The following HGS variants were observed in gnomAD, a reference collection of about 807,000 sequenced individuals.
The protein encoded by HGS is hepatocyte growth factor-regulated tyrosine kinase substrate.
A neutral mutation model predicts 109.7 loss-of-function variants in HGS; 63 were observed. That is an observed-to-expected ratio of 0.57 (90% confidence interval 0.47 to 0.71). The LOEUF is 0.71. HGS is among the 30% of genes least tolerant of loss of function. The pLI, the probability that HGS is intolerant of heterozygous loss-of-function variation, is 0.00. For missense variants in HGS, 995 were observed against 1,068.3 expected, an observed-to-expected ratio of 0.93 and a Z score of 0.96; for synonymous variants, 546 against 437.3, an observed-to-expected ratio of 1.25 and a Z score of -3.10.
rs1598748505 is a variant in HGS, at chr17:81,695,276, C to T, written c.1179+53C>T. The T allele has an allele frequency of 2.6e-6, 4 of 1,562,866 alleles. No homozygotes were observed. In the East Asian group the frequency reaches 9.0e-5, roughly 35 times the overall value. On this transcript the variant is annotated intron_variant, in intron 14 of 21. Transcript: ENST00000329138. ...GGGCAAAACATGGCCTCCTGGCCCA[C>T]AGCGCCAGGCACATGGCACAGGTGC...
chr17:81,695,723 GC>G, intron 14 of HGS, 62 bp from the exon 15 acceptor site: 1 of 1,508,646 alleles, frequency 6.6e-7, no homozygotes, highest in Non-Finnish European at 9.2e-7. Context: ...TCCATCCCAG[GC>G]CCCACCAGGG....
At position 81,686,372 on chromosome 17, in the gene HGS, C is replaced by T. The variant is rs1180255950; in HGVS notation, c.183C>T (p.Ala61=). ...KKVNDKNPHV[A]LYALEVMESV... ...TCAACGACAAGAACCCACACGTCGC[C>T]TTGTATGCCCTGGAGGTAAGCAGAC... Residue 61 remains alanine, a synonymous_variant, in exon 3 of 22, where the codon GCC becomes GCT. Coordinates refer to ENST00000329138, the MANE Select transcript of HGS (RefSeq NM_004712.5). The T allele has an allele frequency of 3.7e-6, 6 of 1,613,632 alleles. No homozygotes were observed. Among genetic ancestry groups the T allele is most frequent in the Non-Finnish European group, 1.7e-6 (2 of 1,179,930 alleles).
intron 2 of HGS, 144 bp from the exon 3 acceptor site, chr17:81,686,168 C>G (rs112049134): frequency 0.019 from 12,876 of 662,366 alleles, 172 homozygotes; most frequent in Non-Finnish European, 0.025. Context: ...TGGGCTCAAG[C>G]AATCCTCCTG....
chr17:81,701,134 G>A lies in HGS; in HGVS notation c.2223+3G>A, dbSNP rs1010308832. 1.9e-6 allele frequency: 3 copies of A among 1,613,238 alleles called. No homozygotes were observed. The East Asian group carries it at 6.7e-5, about 36-fold the overall frequency. On this transcript the variant is annotated splice_donor_region_variant and intron_variant, in intron 21 of 21. Transcript: ENST00000329138. ...GGCAGCAGCCCATGTACCAGCAGGT[G>A]AGCCATTCCCGGGGCCTCACAGCGG...
rs565690115 is a variant in HGS at position 81,700,691 on chromosome 17, G to A, written c.2017-4G>A. The A allele has an allele frequency of 8.7e-5, 122 of 1,398,896 alleles. 1 individual carries two copies. In the South Asian group the frequency reaches 1.2e-3, roughly 14 times the overall value. The allele number at this position is 1,398,896 out of a possible 1,614,324, so 86.7% of individuals were successfully genotyped here. On this transcript the variant is annotated splice_region_variant and splice_polypyrimidine_tract_variant and intron_variant, in intron 19 of 21. Coordinates refer to ENST00000329138, the MANE Select transcript of HGS (RefSeq NM_004712.5). ...TTCTCCCATGGCACTCATTCCCTCC[G>A]CAGAACGTGGCCTCCCAGGCCCCAC...
chr17:81,684,026 A>G lies in HGS; in HGVS notation c.-41A>G, dbSNP rs773844357. On this transcript the variant is annotated 5_prime_UTR_variant, in exon 1 of 22. Coordinates refer to ENST00000329138, the MANE Select transcript of HGS (RefSeq NM_004712.5). ...GTCGGGGGGCGCGCCAGCTCGTAGC[A>G]GGGGAGCGCCCGCGGCGTCGGGTTT... The G allele has an allele frequency of 7.0e-6, 11 of 1,575,926 alleles. No homozygotes were observed. Among genetic ancestry groups the G allele is most frequent in the South Asian group, 1.1e-5 (1 of 87,344 alleles).
chr17:81,701,457 C>T (rs781381669), intron 21 of HGS, 51 bp from the exon 22 acceptor site: 462 of 1,513,074 alleles, frequency 3.1e-4, no homozygotes, highest in Admixed American at 1.5e-3. Context: ...GCCTTCCTCC[C>T]TGGGCTGGGG....
chr17:81,700,438 A>G, intron 18 of HGS, 29 bp from the exon 19 acceptor site: 3 of 1,518,642 alleles, frequency 2.0e-6, no homozygotes, highest in Non-Finnish European at 2.6e-6. Flanking sequence ...GCCCTGGCTG[A>G]ACCATCTCCC....
chr17:81,694,875 A>C (rs1348527172), intron 12 of HGS, 22 bp downstream of exon 12: 1 of 1,614,036 alleles, frequency 6.2e-7, no homozygotes, highest in African/African-American at 1.3e-5. Context: ...CATGGGGTGC[A>C]TCCTCTCACG....
intron 8 of HGS, 138 bp from the exon 9 acceptor site, chr17:81,693,365 G>A (rs990800412): frequency 3.5e-5 from 24 of 684,266 alleles, no homozygotes; most frequent in East Asian, 1.0e-4. Context: ...GTGGCCATTC[G>A]GACACCTGTG....
At position 81,694,932 on chromosome 17, in the gene HGS, G is replaced by C; in HGVS notation, c.984G>C (p.Arg328=). 6.2e-7 allele frequency: 1 copy of C among 1,614,210 alleles called. No individual in the cohort carries two copies. The highest frequency in any genetic ancestry group is 1.1e-5 in the South Asian group (1 of 91,086). ...LAEDIDPELA[R]YLNRNYWEKK... ...CCCCTCATTGCCTGCAGCTCGCACGGTATCTCAACCGGAACTACTGGGAGA... is the reference window on the plus strand; with the variant it reads ...CCCCTCATTGCCTGCAGCTCGCACGCTATCTCAACCGGAACTACTGGGAGA... Residue 328 remains arginine, a synonymous_variant, in exon 13 of 22, where the codon CGG becomes CGC. Transcript: ENST00000329138.
chr17:81,690,530 C>G, intron 6 of HGS, 144 bp from the exon 7 acceptor site: 1 of 766,972 alleles, frequency 1.3e-6, no homozygotes, highest in Non-Finnish European at 2.0e-6. Flanking sequence ...GGCCACGCCG[C>G]TGGGAAGGGC....
Position 81,687,104 on chromosome 17 carries a change from G to C in HGS, c.291+9G>C. The C allele has an allele frequency of 6.2e-7, 1 of 1,608,322 alleles. No homozygotes were observed. Among genetic ancestry groups the C allele is most frequent in the Non-Finnish European group, 8.5e-7 (1 of 1,176,464 alleles). On this transcript the variant is annotated intron_variant, in intron 4 of 21. Coordinates refer to ENST00000329138, the MANE Select transcript of HGS (RefSeq NM_004712.5). ...TGAAGGACCTGCTGAAGGTGGGTGA[G>C]ACGGGGGCATGCGGGTGGCCACCCA...
intron 10 of HGS, 41 bp from the exon 11 acceptor site, chr17:81,693,817 GCCGGAGGGGCGT>G (rs1359775224): frequency 6.4e-7 from 1 of 1,559,174 alleles, no homozygotes; most frequent in Non-Finnish European, 8.7e-7. Context: ...CTGCGGTGGG[GCCGGAGGGGCGT>G]CACGTGCACC....
intron 1 of HGS, among the ~76,000 whole-genome samples, chr17:81,685,324 C>T (rs1007248766): frequency 2.0e-5 from 3 of 152,188 alleles, no homozygotes; most frequent in Non-Finnish European, 4.4e-5. Context: ...TGACTCACGG[C>T]AGTGCCCTCG....
Position 81,693,968 on chromosome 17 carries a change from G to T in HGS, c.936+3G>T. 1.2e-6 allele frequency: 2 copies of T among 1,605,690 alleles called. No homozygotes were observed. Among genetic ancestry groups the T allele is most frequent in the Non-Finnish European group, 8.5e-7 (1 of 1,177,872 alleles). On this transcript the variant is annotated splice_donor_region_variant and intron_variant, in intron 11 of 21. Transcript: ENST00000329138. ...GCAGCCTGTACTCTTCACCTGTGGT[G>T]AGCGGCCCTTGGGCTGGAGCTCCCT...
At chr17:81,684,923 G>A (rs1277849014) in intron 1 of HGS, 9 of 985,282 alleles carry the variant, frequency 9.1e-6, no homozygotes, top group Admixed American at 6.1e-5. Context: ...GAATCCAGAG[G>A]TTAACTACTG....
intron 7 of HGS, chr17:81,690,965 A>G: frequency 1.9e-6 from 1 of 532,868 alleles, no homozygotes; most frequent in South Asian, 2.5e-5. Flanking sequence ...CTCTGGAATT[A>G]TAATGTTTTA....
rs8070488 is a variant in HGS at position 81,696,901 on chromosome 17, T to C, written c.1785T>C (p.Pro595=). The C allele has an allele frequency of 0.22, 357,317 of 1,608,460 alleles. 41,440 individuals carry two copies. The highest frequency in any genetic ancestry group is 0.37 in the African/African-American group (28,001 of 74,936). ...GPASFPSTFS[P]AGSVEGSPMH... The stretch of plus-strand genomic sequence containing the variant: ...CCAGCTTCCCCAGCACCTTCAGCCC[T>C]GCCGGCTCGGTGGAGGGCTCCCCAA... The change falls in exon 18 of 22, where the codon CCT becomes CCC. Residue 595 remains proline (P), a synonymous_variant. Transcript: ENST00000329138.
Sources: gnomAD v4.1 joint callset for allele counts (sites outside exome capture counted in the v4.1 genomes callset) on GRCh38, gnomAD v4.1.1 for gene constraint, MANE v1.5 for transcripts, NCBI Gene and HGNC (gene_info 2026-07-23, HGNC 2026-07-21) for gene names.